The following NAGA variants were observed in gnomAD, a reference collection of about 807,000 sequenced individuals.
NAGA encodes Acetylgalactosaminidase, alpha-N- (alpha-galactosidase B).
Under a neutral mutation model 45.6 loss-of-function variants are expected in NAGA, and 42 were observed. The ratio of observed to expected loss-of-function variants is 0.92; its 90% CI spans 0.72 to 1.19. The LOEUF (loss-of-function observed/expected upper bound fraction) is 1.19, where lower values mean the gene tolerates loss of function less well. NAGA is among the 50% of genes most tolerant of loss of function. NAGA has a pLI of 0.00. For missense variants in NAGA, 493 were observed against 544.8 expected, an observed-to-expected ratio of 0.90 and a Z score of 0.95; for synonymous variants, 176 against 203.1, an observed-to-expected ratio of 0.87 and a Z score of 1.13.
Position 42,062,820 on chromosome 22 carries a change from C to T in NAGA, c.957+7G>A, listed in dbSNP as rs1193330730. The T allele has an allele frequency of 4.3e-6, 7 of 1,613,610 alleles. No homozygotes were observed. The highest frequency in any genetic ancestry group is 5.9e-6 in the Non-Finnish European group (7 of 1,179,626). The stretch of plus-strand genomic sequence containing the variant: ...CCCTCCCCTTCCTTCCCTCCACACC[C>T]TAGTACCTTGTGAATCCTGCGTCCC... On this transcript the variant is annotated splice_region_variant and intron_variant, in intron 7 of 8. Coordinates refer to ENST00000396398, the MANE Select transcript of NAGA (RefSeq NM_000262.3).
At position 42,060,071 on chromosome 22, in the gene NAGA, A is replaced by G; in HGVS notation, c.*208T>C. The G allele has an allele frequency of 1.6e-6, 1 of 617,584 alleles. No homozygotes were observed. The highest frequency in any genetic ancestry group is 2.8e-6 in the Non-Finnish European group (1 of 353,428). The allele number at this position is 617,584 out of a possible 1,614,324, so 38.3% of individuals were successfully genotyped here. On this transcript the variant is annotated 3_prime_UTR_variant, in exon 9 of 9. Transcript: ENST00000396398. ...TGGAAGTAGAGGCCAGGAAGGCCACAGGAAAATTGCCCCAAAAGAAGTTTC... is the reference window on the plus strand; with the variant it reads ...TGGAAGTAGAGGCCAGGAAGGCCACGGGAAAATTGCCCCAAAAGAAGTTTC...
In NAGA at chr22:42,062,904, T is replaced by A; in HGVS notation, c.880A>T (p.Met294Leu). ...ATGAGTGGATTCTGCAGAATGTCCA[T>A]GTTCTGGGCGGAGATGGTACGCAGG... Reference protein sequence around the residue: ...TDLRTISAQNMDILQNPLMIK... With the variant: ...TDLRTISAQNLDILQNPLMIK... The change falls in exon 7 of 9, where the codon ATG becomes TTG. Residue 294 changes from methionine (M) to leucine (L), a missense_variant. Coordinates refer to ENST00000396398, the MANE Select transcript of NAGA (RefSeq NM_000262.3). The A allele has an allele frequency of 6.2e-7, 1 of 1,614,152 alleles. No individual in the cohort carries two copies. Among genetic ancestry groups the A allele is most frequent in the Non-Finnish European group, 8.5e-7 (1 of 1,180,014 alleles).
At position 42,070,392 on chromosome 22, in the gene NAGA, G is replaced by C; in HGVS notation, c.-95C>G. On this transcript the variant is annotated 5_prime_UTR_variant, in exon 1 of 9. Transcript: ENST00000396398. ...CTGGAAGCTAAGAAACGTCTGAAAAGCACTGGGGTCACGGCTGCCTGGCTA... is the reference window on the plus strand; with the variant it reads ...CTGGAAGCTAAGAAACGTCTGAAAACCACTGGGGTCACGGCTGCCTGGCTA... The C allele has an allele frequency of 6.7e-7, 1 of 1,490,834 alleles. No individual in the cohort carries two copies. The highest frequency in any genetic ancestry group is 9.4e-7 in the Non-Finnish European group (1 of 1,068,056). The allele number at this position is 1,490,834 out of a possible 1,614,324, so 92.4% of individuals were successfully genotyped here. A position where few individuals can be genotyped will look rare whatever the true frequency, so the allele number is the denominator to read the frequency against.
chr22:42,065,499 T>C (rs930891994), intron 6 of NAGA, among the ~76,000 whole-genome samples: 1 of 152,176 alleles, frequency 6.6e-6, no homozygotes, highest in African/African-American at 2.4e-5. Context: ...ACATCAGAAT[T>C]GCCTGGGGAG....
chr22:42,064,000 A>T (rs562433790), intron 6 of NAGA, among the ~76,000 whole-genome samples: 2 of 152,284 alleles, frequency 1.3e-5, no homozygotes, highest in Admixed American at 6.5e-5. Flanking sequence ...GTGAGCCGAG[A>T]TTGCACCACT....
chr22:42,060,155 A>G lies in NAGA; in HGVS notation c.*124T>C. The G allele has an allele frequency of 7.7e-7, 1 of 1,297,762 alleles. No individual in the cohort carries two copies. Among genetic ancestry groups the G allele is most frequent in the Non-Finnish European group, 1.1e-6 (1 of 908,484 alleles). 80.4% of individuals were successfully genotyped at this position (1,297,762 alleles called of 1,614,324 possible). A position where few individuals can be genotyped will look rare whatever the true frequency, so the allele number is the denominator to read the frequency against. On this transcript the variant is annotated 3_prime_UTR_variant, in exon 9 of 9. Coordinates refer to ENST00000396398, the MANE Select transcript of NAGA (RefSeq NM_000262.3). The stretch of plus-strand genomic sequence containing the variant: ...CTGGCCGTGAGATTGCACTTTGGGT[A>G]TGATGGGGTCAGTCACCGAGCAGGC...
At position 42,065,822 on chromosome 22, in the gene NAGA, C is replaced by T. The variant is rs1371113044; in HGVS notation, c.675G>A (p.Val225=). The part of the protein sequence containing the change: ...YDDIQDSWWS[V]LSILNWFVEH... The stretch of plus-strand genomic sequence containing the variant: ...CCACGAACCAATTCAGGATGGAGAG[C>T]ACGCTCCACCAGGAGTCCTGGATGT... Residue 225 remains valine, a synonymous_variant, in exon 6 of 9, where the codon GTG becomes GTA. Transcript: ENST00000396398. The T allele has an allele frequency of 1.2e-6, 2 of 1,614,036 alleles. No individual in the cohort carries two copies. The highest frequency in any genetic ancestry group is 1.3e-5 in the African/African-American group (1 of 74,908).
Position 42,061,061 on chromosome 22 carries a change from ATT to A in NAGA, c.962_963del (p.Lys321IlefsTer15). Reference protein sequence around the residue: ...GIQGRRIHKEKSLIEVYMRPL... With the variant: ...GIQGRRIHKEXSLIEVYMRPL... ...GGCCGCATGTACACTTCGATGAGAG[ATT>A]TTTCCTGGGCACAGAAGGTGGCTAC... is the stretch of plus-strand genomic sequence containing the variant. On this transcript the variant is annotated frameshift_variant, in exon 8 of 9. Coordinates refer to ENST00000396398, the MANE Select transcript of NAGA (RefSeq NM_000262.3). LOFTEE classifies it high-confidence loss of function. 6.2e-7 allele frequency: 1 copy of A among 1,613,898 alleles called. No individual in the cohort carries two copies. The highest frequency in any genetic ancestry group is 8.5e-7 in the Non-Finnish European group (1 of 1,179,958).
At chr22:42,063,143 G>A (rs1926509975) in intron 6 of NAGA, 119 bp from the exon 7 acceptor site, 1 of 1,030,190 alleles carries the variant, frequency 9.7e-7, no homozygotes, top group African/African-American at 1.6e-5. Flanking sequence ...ATGGCTGTAT[G>A]TGGAGGAGGC....
chr22:42,066,729 T>A lies in NAGA; in HGVS notation c.578A>T (p.Glu193Val). ...GCTTACCCTTGGGGGGAGGCCGCCT[T>A]CATAGGCTGGCCAGCTGCAGGAGAA... ...IAFSCSWPAY[E>V]GGLPPRVNYS... The change falls in exon 5 of 9, where the codon GAA (glutamate) becomes GTA (valine). Residue 193 changes from glutamate to valine, a missense_variant. Transcript: ENST00000396398. 6.2e-7 allele frequency: 1 copy of A among 1,603,684 alleles called. No individual in the cohort carries two copies. Among genetic ancestry groups the A allele is most frequent in the Non-Finnish European group, 8.5e-7 (1 of 1,175,460 alleles).
intron 2 of NAGA, 143 bp from the exon 3 acceptor site, chr22:42,068,079 A>G (rs1287771237): frequency 1.2e-6 from 1 of 859,256 alleles, no homozygotes; most frequent in East Asian, 2.5e-5. Flanking sequence ...AATGACCACC[A>G]GAGATTGTGC....
chr22:42,067,652 T>C, intron 3 of NAGA, 113 bp downstream of exon 3: 1 of 932,752 alleles, frequency 1.1e-6, no homozygotes, highest in Non-Finnish European at 1.6e-6. Context: ...TTCATTTGTC[T>C]GTTTCCCCCA....
Position 42,061,049 on chromosome 22 carries a change from C to T in NAGA, c.976G>A (p.Val326Met), listed in dbSNP as rs1436242762. Residue 326 changes from valine to methionine, a missense_variant, in exon 8 of 9, where the codon GTG (valine) becomes ATG (methionine). Physicochemically the swap from Val to Met is conservative, Grantham distance 21. Transcript: ENST00000396398. ...RIHKEKSLIE[V>M]YMRPLSNKAS... ...TTGTTGGACAGAGGCCGCATGTACA[C>T]TTCGATGAGAGATTTTTCCTGGGCA... is the stretch of plus-strand genomic sequence containing the variant. 2 of 1,614,078 alleles carry T rather than the reference C, an allele frequency of 1.2e-6. No individual in the cohort carries two copies. The highest frequency in any genetic ancestry group is 1.7e-6 in the Non-Finnish European group (2 of 1,180,044).
rs200996788 is a variant in NAGA at position 42,060,390 on chromosome 22, G to A, written c.1125C>T (p.Asp375=). The change falls in exon 9 of 9, where the codon GAC becomes GAT. Residue 375 remains aspartate (D), a synonymous_variant. Coordinates refer to ENST00000396398, the MANE Select transcript of NAGA (RefSeq NM_000262.3). ...IYEAQDVYSG[D]IISGLRDETN... is the part of the protein sequence containing the mutation. ...TTTCATCTCGGAGGCCACTGATGAT[G>A]TCACCTGAGTAGACGTCCTGGGCCT... 1 of 1,613,476 alleles carries A rather than the reference G, an allele frequency of 6.2e-7. No homozygotes were observed. The highest frequency in any genetic ancestry group is 8.5e-7 in the Non-Finnish European group (1 of 1,180,006).
At chr22:42,066,476 C>T (rs1343973068) in intron 5 of NAGA, among the ~76,000 whole-genome samples, 2 of 152,218 alleles carry the variant, frequency 1.3e-5, no homozygotes, top group Admixed American at 6.5e-5. Context: ...ACAAGGGCCT[C>T]TTCTCTAAGG....
chr22:42,069,999 T>C (rs1434217194), intron 1 of NAGA, among the ~76,000 whole-genome samples: 1 of 152,202 alleles, frequency 6.6e-6, no homozygotes, highest in Non-Finnish European at 1.5e-5. Flanking sequence ...TCCTTATCTG[T>C]AATATGGAGT....
rs917858782 is a variant in NAGA, at chr22:42,059,629, C to T, written c.*650G>A. The T allele has an allele frequency of 3.2e-5, 5 of 154,208 alleles. No individual in the cohort carries two copies. The highest frequency in any genetic ancestry group is 1.2e-4 in the African/African-American group (5 of 41,440). The allele number at this position is 154,208 out of a possible 1,614,324, so 9.6% of individuals were successfully genotyped here. Reference sequence around the variant, plus strand: ...GTCTGGCATCTCTAGGAAGTACAATCTTCTGGTCACTTTGGAAAAGGAGGG... The same window carrying T: ...GTCTGGCATCTCTAGGAAGTACAATTTTCTGGTCACTTTGGAAAAGGAGGG... On this transcript the variant is annotated 3_prime_UTR_variant, in exon 9 of 9. Coordinates refer to ENST00000396398, the MANE Select transcript of NAGA (RefSeq NM_000262.3).
At position 42,067,529 on chromosome 22, in the gene NAGA, T is replaced by C. The variant is rs576444944; in HGVS notation, c.324+236A>G. On this transcript the variant is annotated intron_variant, in intron 3 of 8. Transcript: ENST00000396398. ...GCCATCCTCTCTGCCTCCAATGCCA[T>C]CTCTCTGGGCTCAGCTCAAGAAATG... Among the ~76,000 whole-genome samples, 5 of 152,280 alleles carry C rather than the reference T, an allele frequency of 3.3e-5. No homozygotes were observed. The South Asian group carries it at 1.0e-3, about 32-fold the overall frequency.
chr22:42,066,974 A>G (rs1926770820), intron 4 of NAGA, 139 bp downstream of exon 4: 2 of 1,445,216 alleles, frequency 1.4e-6, no homozygotes, highest in South Asian at 2.3e-5. Context: ...TGCCACTCAT[A>G]TTTAGGGAGC....
Sources: gnomAD v4.1 joint callset for allele counts (sites outside exome capture counted in the v4.1 genomes callset) on GRCh38, gnomAD v4.1.1 for gene constraint, MANE v1.5 for transcripts, NCBI Gene and HGNC (gene_info 2026-07-23, HGNC 2026-07-21) for gene names.